Variants in EML1 observed in about 807,000 individuals in gnomAD.
The protein encoded by EML1 is echinoderm microtubule-associated protein-like 1.
In EML1, 27 loss-of-function variants were observed where a neutral mutation model predicts 110.4. The ratio of observed to expected loss-of-function variants is 0.24; its 90% CI spans 0.18 to 0.34. EML1 has a LOEUF of 0.34. Ranked by LOEUF, EML1 falls within the 10% of genes least tolerant of loss-of-function variation. EML1 has a pLI of 1.00. For missense variants in EML1, 741 were observed against 1,030.9 expected, an observed-to-expected ratio of 0.72 and a Z score of 3.85; for synonymous variants, 344 against 385.8, an observed-to-expected ratio of 0.89 and a Z score of 1.27.
At position 99,878,505 on chromosome 14, in the gene EML1, C is replaced by T; in HGVS notation, c.404C>T (p.Ser135Phe). The T allele has an allele frequency of 1.2e-6, 2 of 1,613,792 alleles. No homozygotes were observed. The highest frequency in any genetic ancestry group is 8.5e-7 in the Non-Finnish European group (1 of 1,179,884). Residue 135 changes from serine to phenylalanine, a missense_variant, in exon 4 of 22, where the codon TCT becomes TTT. Coordinates refer to ENST00000262233, the MANE Select transcript of EML1 (RefSeq NM_004434.3). ...ATKSNIKRTS[S>F]SERVSPGGRR... The stretch of plus-strand genomic sequence containing the variant: ...CTTAGTAACATCAAGAGGACCAGCT[C>T]TTCTGAACGAGTGTCTCCTGGGGGT...
chr14:99,812,996 T>A (rs1175986727), intron 1 of EML1, among the ~76,000 whole-genome samples: 1 of 152,206 alleles, frequency 6.6e-6, no homozygotes, highest in Admixed American at 6.5e-5. Flanking sequence ...CCACACTGCG[T>A]AACCTCCACA....
chr14:99,917,499 G>A (rs2060052599), intron 15 of EML1, among the ~76,000 whole-genome samples: 1 of 152,114 alleles, frequency 6.6e-6, no homozygotes, highest in Non-Finnish European at 1.5e-5. Flanking sequence ...CACTTGTGCT[G>A]CAATAAGTCA....
At chr14:99,782,279 G>A (rs770661206) in intron 1 of EML1, among the ~76,000 whole-genome samples, 6 of 152,150 alleles carry the variant, frequency 3.9e-5, no homozygotes, top group Non-Finnish European at 7.4e-5. Context: ...ATTTACCAAC[G>A]TTGTGACCTC....
intron 1 of EML1, among the ~76,000 whole-genome samples, chr14:99,831,216 G>A (rs558243129): frequency 1.3e-5 from 2 of 152,312 alleles, no homozygotes; most frequent in East Asian, 3.9e-4. Flanking sequence ...TTTTGGTGTG[G>A]GATTTGGAGC....
intron 5 of EML1, among the ~76,000 whole-genome samples, chr14:99,892,988 G>C (rs373069217): frequency 6.6e-6 from 1 of 152,064 alleles, no homozygotes; most frequent in Non-Finnish European, 1.5e-5. Context: ...TAGATTCTTT[G>C]GTTGTGGTAG....
rs757195852 is a variant in EML1 at position 99,897,283 on chromosome 14, T to C, written c.816T>C (p.Asp272=). 11 of 1,609,016 alleles carry C rather than the reference T, an allele frequency of 6.8e-6. No individual in the cohort carries two copies. The highest frequency in any genetic ancestry group is 9.3e-6 in the Non-Finnish European group (11 of 1,177,896). ...AGAGGCATTACGCTGGCCACAACGA[T>C]GACGTGAAGTGGTAAGTCCTGAAAC... ...QLQRHYAGHN[D]DVKCLAVHPD... is the part of the protein sequence containing the mutation. The change falls in exon 7 of 22, where the codon GAT becomes GAC. Residue 272 remains aspartate (D), a synonymous_variant. Coordinates refer to ENST00000262233, the MANE Select transcript of EML1 (RefSeq NM_004434.3).
chr14:99,814,899 C>G (rs1410014295), intron 1 of EML1, among the ~76,000 whole-genome samples: 2 of 152,042 alleles, frequency 1.3e-5, no homozygotes, highest in Non-Finnish European at 2.9e-5. Context: ...TGCAGTAATC[C>G]TTGGAGGGTA....
At chr14:99,813,744 A>G (rs2058120236) in intron 1 of EML1, among the ~76,000 whole-genome samples, 1 of 152,128 alleles carries the variant, frequency 6.6e-6, no homozygotes, top group Non-Finnish European at 1.5e-5. Flanking sequence ...GAGATGGAGG[A>G]GGACTGGCTA....
chr14:99,823,401 A>G (rs929655718), intron 1 of EML1, among the ~76,000 whole-genome samples: 1 of 152,026 alleles, frequency 6.6e-6, no homozygotes, highest in Non-Finnish European at 1.5e-5. Context: ...CAGGAGGGTC[A>G]CCAGGCTTAG....
chr14:99,822,373 G>A (rs2058279024), intron 1 of EML1, among the ~76,000 whole-genome samples: 1 of 152,292 alleles, frequency 6.6e-6, no homozygotes, highest in African/African-American at 2.4e-5. Context: ...ACAACACTCA[G>A]CTGTTTGAAT....
chr14:99,790,871 T>TTTTTTTTTTTTA (rs1358758534), upstream of EML1, among the ~76,000 whole-genome samples: 1 of 149,660 alleles, frequency 6.7e-6, no homozygotes, highest in Non-Finnish European at 1.5e-5. Context: ...TTTTCCTTTT[T>TTTTTTTTTTTTA]TTTTGTGACA....
At chr14:99,748,136 C>G (rs914717635) in intron 1 of EML1, among the ~76,000 whole-genome samples, 3 of 152,118 alleles carry the variant, frequency 2.0e-5, no homozygotes, top group African/African-American at 7.2e-5. Context: ...CGGGGCCCTG[C>G]AGGGTCTGTC....
intron 16 of EML1, among the ~76,000 whole-genome samples, chr14:99,919,564 C>G (rs2060096113): frequency 6.6e-6 from 1 of 152,142 alleles, no homozygotes; most frequent in Non-Finnish European, 1.5e-5. Flanking sequence ...CGGATGCCAG[C>G]ATGCCTACTG....
At chr14:99,829,040 AAC>A (rs2058406300) in intron 1 of EML1, among the ~76,000 whole-genome samples, 1 of 152,154 alleles carries the variant, frequency 6.6e-6, no homozygotes, top group South Asian at 2.1e-4. Flanking sequence ...TCTAGGAAAA[AAC>A]ACAGTGTATA....
Position 99,804,694 on chromosome 14 carries a change from A to T in EML1, c.67+11151A>T, listed in dbSNP as rs564061021. 2.0e-5 allele frequency among the ~76,000 whole-genome samples: 3 copies of T among 152,314 alleles called. No individual in the cohort carries two copies. In the South Asian group the frequency reaches 6.2e-4, roughly 32 times the overall value. On this transcript the variant is annotated intron_variant, in intron 1 of 21. Transcript: ENST00000262233. The stretch of plus-strand genomic sequence containing the variant: ...CCCTTGCCTGTAGGAGAGGCCACAC[A>T]TGGTTTACAAGTGCAGAGCAAAGGC...
chr14:99,913,793 G>A (rs543850299), intron 13 of EML1, among the ~76,000 whole-genome samples: 1 of 152,138 alleles, frequency 6.6e-6, no homozygotes, highest in South Asian at 2.1e-4. Context: ...GGGTTCAAGT[G>A]ATTCTCCTGC....
At chr14:99,901,848 C>T (rs1456649481) in intron 9 of EML1, among the ~76,000 whole-genome samples, 1 of 152,166 alleles carries the variant, frequency 6.6e-6, no homozygotes, top group Non-Finnish European at 1.5e-5. Flanking sequence ...GCCTAACCAC[C>T]TGGGAATGCA....
chr14:99,753,371 G>T (rs545723379), intron 1 of EML1, among the ~76,000 whole-genome samples: 9 of 151,904 alleles, frequency 5.9e-5, no homozygotes, highest in African/African-American at 1.7e-4. Flanking sequence ...TCCCTGGGGG[G>T]TCAAGCGGAT....
chr14:99,813,935 G>A (rs1022458790), intron 1 of EML1, among the ~76,000 whole-genome samples: 3 of 152,142 alleles, frequency 2.0e-5, no homozygotes, highest in African/African-American at 4.8e-5. Flanking sequence ...TCAGCTGCCC[G>A]GAGCACACTG....
Sources: allele counts gnomAD v4.1 joint callset (sites outside exome capture counted in the v4.1 genomes callset), GRCh38; gene constraint gnomAD v4.1.1; transcripts MANE v1.5; gene names NCBI Gene and HGNC (gene_info 2026-07-23, HGNC 2026-07-21).